Variants in FLYWCH1 observed in about 807,000 individuals in gnomAD.
The protein encoded by FLYWCH1 is FLYWCH-type zinc finger 1, also known as FLYWCH-type zinc finger-containing protein 1.
In FLYWCH1, 75 loss-of-function variants were observed where a neutral mutation model predicts 66.4. That is an observed-to-expected ratio of 1.13 (90% confidence interval 0.94 to 1.37). The LOEUF is 1.37. Among genes scored for constraint, FLYWCH1 ranks in the 40% most tolerant of loss-of-function variants. The pLI, the probability that FLYWCH1 is intolerant of heterozygous loss-of-function variation, is 0.00. For missense variants in FLYWCH1, 1,334 were observed against 1,001.8 expected (o/e 1.33, Z -4.48); for synonymous variants, 595 against 429.9 (o/e 1.38, Z -4.75).
chr16:2,938,326 C>T lies in FLYWCH1; in HGVS notation c.1920C>T (p.Arg640=), dbSNP rs1481512667. ...MCRDQARLGC[R]SRAITQGHRI... is the part of the protein sequence containing the mutation. ...GGGACCAGGCTCGGCTGGGCTGCCG[C>T]AGCCGCGCCATAACCCAGGGCCACC... Residue 640 remains arginine (R), a synonymous_variant, in exon 8 of 10, where the codon CGC becomes CGT. Coordinates refer to ENST00000253928, the MANE Select transcript of FLYWCH1 (RefSeq NM_001308068.2). The T allele has an allele frequency of 1.2e-6, 2 of 1,607,678 alleles. No homozygotes were observed. The highest frequency in any genetic ancestry group is 1.7e-6 in the Non-Finnish European group (2 of 1,177,168).
rs1328489271 is a variant in FLYWCH1 at position 2,923,228 on chromosome 16, A to G, written c.-73-6385A>G. On this transcript the variant is annotated intron_variant, in intron 2 of 9. Transcript: ENST00000253928. ...AGCTCCCTTCTTCGCTTTCAGCGCC[A>G]TCTTGTGAAGAGGCTGTTTTTGTTT... 9.3e-6 allele frequency: 3 copies of G among 323,394 alleles called. No homozygotes were observed. In the East Asian group the frequency reaches 2.6e-4, roughly 28 times the overall value. The allele number at this position is 323,394 out of a possible 1,614,324, so 20.0% of individuals were successfully genotyped here. A position where few individuals can be genotyped will look rare whatever the true frequency, so the allele number is the denominator to read the frequency against.
At chr16:2,934,715 A>T (rs1212645798) in intron 6 of FLYWCH1, 2 of 454,514 alleles carry the variant, frequency 4.4e-6, no homozygotes, top group Non-Finnish European at 8.8e-6. Flanking sequence ...GAGAGCTGTG[A>T]TTGTCTTTCT....
chr16:2,930,182 A>G (rs1333746276), intron 3 of FLYWCH1, among the ~76,000 whole-genome samples, 172 bp downstream of exon 3: 1 of 152,092 alleles, frequency 6.6e-6, no homozygotes, highest in Non-Finnish European at 1.5e-5. Context: ...GTCAGGTACC[A>G]GGAGCTCCTG....
At chr16:2,922,199 G>A (rs1241677960) in intron 2 of FLYWCH1, 1 of 151,402 alleles carries the variant, frequency 6.6e-6, no homozygotes, top group African/African-American at 2.4e-5. Flanking sequence ...GGGAAATGGG[G>A]TGTTTTGTGT....
At chr16:2,946,827 G>C (rs997264760) in intron 9 of FLYWCH1, among the ~76,000 whole-genome samples, 2 of 152,120 alleles carry the variant, frequency 1.3e-5, no homozygotes, top group Admixed American at 1.3e-4. Context: ...CACTGGGATG[G>C]CTATTTAAAA....
Position 2,933,432 on chromosome 16 carries a change from C to A in FLYWCH1, c.1099C>A (p.Arg367=). 3 of 1,600,724 alleles carry A rather than the reference C, an allele frequency of 1.9e-6. No individual in the cohort carries two copies. The highest frequency in any genetic ancestry group is 2.6e-6 in the Non-Finnish European group (3 of 1,174,484). Residue 367 remains arginine, a synonymous_variant, in exon 5 of 10, where the codon CGA becomes AGA. Transcript: ENST00000253928. ...TGGGAGCCAAGTGGACACGCTGCTC[C>A]GAGGCGTGGATAGTTTGCTCTACCG... ...GPGSQVDTLL[R]GVDSLLYRRG...
rs772048610 is a variant in FLYWCH1 at position 2,933,497 on chromosome 16, C to T, written c.1164C>T (p.Pro388=). 43 of 1,610,618 alleles carry T rather than the reference C, an allele frequency of 2.7e-5. No homozygotes were observed. Among genetic ancestry groups the T allele is most frequent in the Non-Finnish European group, 3.6e-5 (42 of 1,178,794 alleles). Residue 388 remains proline, a synonymous_variant, in exon 5 of 10, where the codon CCC becomes CCT. Transcript: ENST00000253928. Reference sequence around the variant, plus strand: ...CCCTGACTCTCACCAGGCCTCGGCCCAGAAAGCGAGCAAAGGTCGAAGACC... The same window carrying T: ...CCCTGACTCTCACCAGGCCTCGGCCTAGAAAGCGAGCAAAGGTCGAAGACC... ...PGPLTLTRPR[P]RKRAKVEDQE...
At chr16:2,930,903 C>A (rs765657859) in intron 4 of FLYWCH1, 23 bp downstream of exon 4, 48 of 1,545,006 alleles carry the variant, frequency 3.1e-5, no homozygotes, top group Non-Finnish European at 3.5e-5. Flanking sequence ...CACTCCCCTG[C>A]TGCGTCCACT....
Position 2,912,045 on chromosome 16 carries a change from G to A in FLYWCH1, c.-297G>A, listed in dbSNP as rs965001225. 2 of 152,460 alleles carry A rather than the reference G, an allele frequency of 1.3e-5. No homozygotes were observed. The highest frequency in any genetic ancestry group is 4.8e-5 in the African/African-American group (2 of 41,464). 9.4% of individuals were successfully genotyped at this position (152,460 alleles called of 1,614,324 possible). ...GGCTGGGAGCTGGTGCCCGGGTCGG[G>A]GTGGCGGCGGCGGCCTGGGTCGCGG... On this transcript the variant is annotated 5_prime_UTR_variant, in exon 1 of 10. Coordinates refer to ENST00000253928, the MANE Select transcript of FLYWCH1 (RefSeq NM_001308068.2).
intron 2 of FLYWCH1, among the ~76,000 whole-genome samples, chr16:2,924,879 C>T (rs967868342): frequency 6.6e-6 from 1 of 152,218 alleles, no homozygotes; most frequent in Non-Finnish European, 1.5e-5. Flanking sequence ...GCACATGTGT[C>T]TTGGAAGCCC....
intron 5 of FLYWCH1, 63 bp from the exon 6 acceptor site, chr16:2,933,653 G>C (rs902485117): frequency 2.0e-4 from 319 of 1,566,134 alleles, no homozygotes; most frequent in Non-Finnish European, 2.6e-4. Flanking sequence ...GGGAGGGAAG[G>C]GGGTGCGATC....
chr16:2,933,069 G>A (rs1230326241), intron 4 of FLYWCH1, 61 bp from the exon 5 acceptor site: 2 of 1,445,216 alleles, frequency 1.4e-6, no homozygotes, highest in Admixed American at 3.8e-5. Context: ...GTCTGCAGGG[G>A]CTGTCCCTCC....
chr16:2,916,676 A>T (rs572247522), intron 2 of FLYWCH1, among the ~76,000 whole-genome samples: 2 of 151,912 alleles, frequency 1.3e-5, no homozygotes, highest in South Asian at 2.1e-4. Flanking sequence ...AAAAGAAAAA[A>T]GAAATTTAAA....
At chr16:2,945,099 C>T in intron 9 of FLYWCH1, among the ~76,000 whole-genome samples, 1 of 152,030 alleles carries the variant, frequency 6.6e-6, no homozygotes. Context: ...CCTGTAATCC[C>T]AGCACTTTGG....
Position 2,929,493 on chromosome 16 carries a change from G to T in FLYWCH1, c.-73-120G>T, listed in dbSNP as rs567433227. ...AGAAGCCTAGTTCCATCAGGCCCCCGGCCAGTCTTGGCCCCAGCGAGCAGT... is the reference window on the plus strand; with the variant it reads ...AGAAGCCTAGTTCCATCAGGCCCCCTGCCAGTCTTGGCCCCAGCGAGCAGT... On this transcript the variant is annotated intron_variant, in intron 2 of 9. Transcript: ENST00000253928. 27 of 695,296 alleles carry T rather than the reference G, an allele frequency of 3.9e-5. 1 individual carries two copies. Among genetic ancestry groups the T allele is most frequent in the South Asian group, 2.2e-4 (11 of 49,988 alleles). The allele number at this position is 695,296 out of a possible 1,614,324, so 43.1% of individuals were successfully genotyped here.
At chr16:2,947,118 T>C (rs187884078) in intron 9 of FLYWCH1, among the ~76,000 whole-genome samples, 2 of 152,306 alleles carry the variant, frequency 1.3e-5, no homozygotes, top group African/African-American at 4.8e-5. Context: ...TGAAATACAG[T>C]CTATTTATAC....
At chr16:2,941,080 C>T (rs1435064949) in intron 9 of FLYWCH1, among the ~76,000 whole-genome samples, 2 of 152,086 alleles carry the variant, frequency 1.3e-5, no homozygotes, top group African/African-American at 4.8e-5. Flanking sequence ...GCCTAGGTGA[C>T]AAACAAAAAC....
chr16:2,936,496 C>G (rs894611076), intron 6 of FLYWCH1: 1 of 447,372 alleles, frequency 2.2e-6, no homozygotes, highest in African/African-American at 2.0e-5. Context: ...CCACCCCCAT[C>G]CCCTGCTTCC....
At position 2,944,216 on chromosome 16, in the gene FLYWCH1, G is replaced by T. The variant is rs139331281; in HGVS notation, c.2111+4124G>T. ...AGCCTGGGGAACATGGAGAAACTCC[G>T]TCTCTACTAAAAATACAATAGCCAG... is the stretch of plus-strand genomic sequence containing the variant. On this transcript the variant is annotated intron_variant, in intron 9 of 9. Coordinates refer to ENST00000253928, the MANE Select transcript of FLYWCH1 (RefSeq NM_001308068.2). Among the ~76,000 whole-genome samples the T allele has an allele frequency of 4.1e-4, 62 of 151,500 alleles. No individual in the cohort carries two copies. The East Asian group carries it at 0.01, about 25-fold the overall frequency.
Sources: allele counts gnomAD v4.1 joint callset (sites outside exome capture counted in the v4.1 genomes callset), GRCh38; gene constraint gnomAD v4.1.1; transcripts MANE v1.5; gene names NCBI Gene and HGNC (gene_info 2026-07-23, HGNC 2026-07-21).